Variants in CACNA2D3 observed in about 807,000 individuals in gnomAD.
The protein encoded by CACNA2D3 is calcium voltage-gated channel auxiliary subunit alpha2delta 3, also known as voltage-dependent calcium channel subunit alpha-2/delta-3.
Under a neutral mutation model 160.6 loss-of-function variants are expected in CACNA2D3, and 60 were observed. That is an observed-to-expected ratio of 0.37 (90% CI 0.30 to 0.46). The LOEUF is 0.46. CACNA2D3 is among the 20% of genes least tolerant of loss of function. CACNA2D3 has a pLI of 1.00. For missense variants in CACNA2D3, 1,205 were observed against 1,365.0 expected, an observed-to-expected ratio of 0.88 and a Z score of 1.85; for synonymous variants, 558 against 492.9, an observed-to-expected ratio of 1.13 and a Z score of -1.75.
At chr3:54,318,428 C>G (rs760096703) in intron 2 of CACNA2D3, among the ~76,000 whole-genome samples, 5 of 152,056 alleles carry the variant, frequency 3.3e-5, no homozygotes, top group Non-Finnish European at 7.3e-5. Context: ...ATTATAGGAC[C>G]ATGTAAAGCA....
chr3:54,846,338 G>A (rs951795597), intron 16 of CACNA2D3, 55 bp from the exon 17 acceptor site: 7 of 1,182,934 alleles, frequency 5.9e-6, no homozygotes, highest in East Asian at 2.4e-5. Flanking sequence ...TTTATGCTTT[G>A]TGAATTCACC....
At chr3:54,393,446 C>G (rs1057114434) in intron 4 of CACNA2D3, among the ~76,000 whole-genome samples, 9 of 152,198 alleles carry the variant, frequency 5.9e-5, no homozygotes, top group Admixed American at 2.6e-4. Flanking sequence ...AGCACCCTGT[C>G]GTCCCTGAGG....
At chr3:54,320,805 A>T (rs1233440164) in intron 3 of CACNA2D3, among the ~76,000 whole-genome samples, 1 of 152,194 alleles carries the variant, frequency 6.6e-6, no homozygotes, top group Non-Finnish European at 1.5e-5. Context: ...GCTGCCACTA[A>T]TTGTACAGCC....
chr3:54,560,599 T>C (rs919551029), intron 5 of CACNA2D3, among the ~76,000 whole-genome samples: 1 of 152,240 alleles, frequency 6.6e-6, no homozygotes, highest in African/African-American at 2.4e-5. Context: ...ATTTGTCAAT[T>C]TTTGCTTTTG....
chr3:54,871,700 G>C, intron 18 of CACNA2D3, 78 bp downstream of exon 18: 2 of 1,164,782 alleles, frequency 1.7e-6, no homozygotes, highest in Non-Finnish European at 2.5e-6. Flanking sequence ...GATCCCAGGA[G>C]TTGGCCAAGA....
intron 2 of CACNA2D3, among the ~76,000 whole-genome samples, chr3:54,237,749 C>A (rs1304377865): frequency 2.6e-5 from 4 of 152,210 alleles, no homozygotes; most frequent in Non-Finnish European, 5.9e-5. Context: ...AGCATGCTGA[C>A]TCTGGCTCAG....
At chr3:54,404,227 T>C (rs1699529380) in intron 4 of CACNA2D3, among the ~76,000 whole-genome samples, 1 of 152,170 alleles carries the variant, frequency 6.6e-6, no homozygotes, top group Non-Finnish European at 1.5e-5. Flanking sequence ...CTGATGAATA[T>C]TGATGTAAAA....
chr3:54,535,382 G>A (rs1302558112), intron 5 of CACNA2D3, among the ~76,000 whole-genome samples: 1 of 152,206 alleles, frequency 6.6e-6, no homozygotes, highest in East Asian at 1.9e-4. Flanking sequence ...CAAATATTCA[G>A]TGTCCTTTTG....
At chr3:54,410,652 A>G (rs1352939270) in intron 4 of CACNA2D3, among the ~76,000 whole-genome samples, 1 of 152,102 alleles carries the variant, frequency 6.6e-6, no homozygotes. Context: ...TCCTTTCAAA[A>G]TGTTACATCT....
intron 30 of CACNA2D3, among the ~76,000 whole-genome samples, chr3:54,986,667 G>A (rs1474356297): frequency 6.6e-6 from 1 of 152,084 alleles, no homozygotes; most frequent in African/African-American, 2.4e-5. Context: ...ATGGAATTGG[G>A]GTTTAGTTAA....
chr3:54,126,284 A>G (rs1699588733), intron 2 of CACNA2D3, among the ~76,000 whole-genome samples: 2 of 152,184 alleles, frequency 1.3e-5, no homozygotes, highest in Non-Finnish European at 2.9e-5. Flanking sequence ...CCATGCATCT[A>G]TTTTAAGGTG....
intron 35 of CACNA2D3, among the ~76,000 whole-genome samples, chr3:55,064,608 C>CAGTT (rs1336501251): frequency 3.3e-5 from 5 of 152,280 alleles, no homozygotes; most frequent in African/African-American, 9.6e-5. Flanking sequence ...TTCAAAGACA[C>CAGTT]AGTTAAGAAT....
chr3:54,932,621 C>G (rs895892524), intron 27 of CACNA2D3, among the ~76,000 whole-genome samples: 17 of 152,166 alleles, frequency 1.1e-4, no homozygotes, highest in African/African-American at 4.1e-4. Context: ...CCTCTCTCAC[C>G]AAGAGAATTA....
At chr3:54,973,261 A>T (rs1271920347) in intron 29 of CACNA2D3, among the ~76,000 whole-genome samples, 1 of 152,098 alleles carries the variant, frequency 6.6e-6, no homozygotes, top group African/African-American at 2.4e-5. Flanking sequence ...GGCCACGTTC[A>T]CCTCTGATCT....
chr3:54,342,536 T>G (rs1243870528), intron 3 of CACNA2D3, among the ~76,000 whole-genome samples: 1 of 151,964 alleles, frequency 6.6e-6, no homozygotes, highest in African/African-American at 2.4e-5. Flanking sequence ...CCGGGTACAG[T>G]GTGATTGGTG....
intron 4 of CACNA2D3, among the ~76,000 whole-genome samples, chr3:54,402,612 A>G (rs927245832): frequency 2.0e-5 from 3 of 152,184 alleles, no homozygotes; most frequent in African/African-American, 7.2e-5. Context: ...ATATGCACCC[A>G]ATCTGAGAGC....
At chr3:54,684,061 C>A (rs1367679389) in intron 11 of CACNA2D3, among the ~76,000 whole-genome samples, 1 of 151,140 alleles carries the variant, frequency 6.6e-6, no homozygotes, top group Non-Finnish European at 1.5e-5. Flanking sequence ...ACCTCTCTCC[C>A]CCAGGTTCAA....
chr3:54,175,367 C>G (rs117503365), intron 2 of CACNA2D3, among the ~76,000 whole-genome samples: 1 of 151,860 alleles, frequency 6.6e-6, no homozygotes, highest in South Asian at 2.1e-4. Context: ...CTGTAATCCC[C>G]GCGCTTTGGG....
chr3:54,150,561 C>T (rs1466700930), intron 2 of CACNA2D3, among the ~76,000 whole-genome samples: 1 of 152,154 alleles, frequency 6.6e-6, no homozygotes, highest in African/African-American at 2.4e-5. Context: ...TATGAGGGCT[C>T]ACCAAATAAC....
Sources: allele counts gnomAD v4.1 joint callset (sites outside exome capture counted in the v4.1 genomes callset), GRCh38; gene constraint gnomAD v4.1.1; transcripts MANE v1.5; gene names NCBI Gene and HGNC (gene_info 2026-07-23, HGNC 2026-07-21).